LOXHD1: variants seen among roughly 807,000 people sequenced by gnomAD.
LOXHD1 encodes lipoxygenase homology domain-containing protein 1.
Under a neutral mutation model 248.2 loss-of-function variants are expected in LOXHD1, and 205 were observed. The observed-to-expected ratio is 0.83, with a 90% confidence interval of 0.74 to 0.93. The LOEUF is 0.93. Ranked by LOEUF, LOXHD1 falls within the 40% of genes least tolerant of loss-of-function variation. The probability of loss-of-function intolerance (pLI) is 0.00; values close to 1 mark genes in which losing one functional copy is unlikely to be tolerated. For missense variants in LOXHD1, 2,930 were observed against 2,971.6 expected (o/e 0.99, Z 0.33); for synonymous variants, 1,113 against 1,162.8 (o/e 0.96, Z 0.87).
chr18:46,640,073 G>A (rs147026907), intron 3 of LOXHD1, among the ~76,000 whole-genome samples: 22 of 152,258 alleles, frequency 1.4e-4, no homozygotes, highest in African/African-American at 4.6e-4. Context: ...AGGGCTTGCC[G>A]TGGGATCATC....
intron 8 of LOXHD1, among the ~76,000 whole-genome samples, chr18:46,594,942 G>T (rs938986804): frequency 2.6e-5 from 4 of 152,078 alleles, no homozygotes; most frequent in African/African-American, 7.2e-5. Flanking sequence ...TCTCTACCCA[G>T]TTCTGAACCC....
chr18:46,576,741 C>T (rs2037863198), intron 14 of LOXHD1, among the ~76,000 whole-genome samples: 1 of 152,174 alleles, frequency 6.6e-6, no homozygotes. Flanking sequence ...CCTATGGAGC[C>T]CTCCCAGTGG....
intron 16 of LOXHD1, among the ~76,000 whole-genome samples, chr18:46,568,205 G>A (rs2037681846): frequency 6.6e-6 from 1 of 152,136 alleles, no homozygotes; most frequent in African/African-American, 2.4e-5. Context: ...TGAGGTTCCA[G>A]GTAGAGGGCT....
intron 1 of LOXHD1, 48 bp from the exon 2 acceptor site, chr18:46,649,317 G>T (rs1258233330): frequency 6.7e-7 from 1 of 1,492,854 alleles, no homozygotes; most frequent in South Asian, 1.2e-5. Flanking sequence ...AAAAAAACCG[G>T]AATCCTGTGT....
At chr18:46,495,205 G>A (rs991012464) in intron 37 of LOXHD1, among the ~76,000 whole-genome samples, 1 of 152,056 alleles carries the variant, frequency 6.6e-6, no homozygotes. Context: ...TTTCCTCAGA[G>A]CTTAACTTAA....
rs368923439 is a variant in LOXHD1 at position 46,547,085 on chromosome 18, G to C, written c.3351-27C>G. On this transcript the variant is annotated intron_variant, in intron 21 of 40. Coordinates refer to ENST00000642948, the MANE Select transcript of LOXHD1 (RefSeq NM_001384474.1). ...TGTGGGGGTGGATAGGGAAAGATTGGAATGTCCTCTTAGAAAGGTCTCGTC... is the reference window on the plus strand; with the variant it reads ...TGTGGGGGTGGATAGGGAAAGATTGCAATGTCCTCTTAGAAAGGTCTCGTC... 1.3e-5 allele frequency: 20 copies of C among 1,551,570 alleles called. No individual in the cohort carries two copies. In the African/African-American group the frequency reaches 2.7e-4, roughly 21 times the overall value.
At chr18:46,559,228 G>A in intron 20 of LOXHD1, 4 of 1,500,474 alleles carry the variant, frequency 2.7e-6, no homozygotes, top group Non-Finnish European at 3.6e-6. Context: ...TGGGTCAGCT[G>A]GCCCATGGGC....
intron 20 of LOXHD1, chr18:46,559,106 C>G (rs1470994787): frequency 2.3e-6 from 3 of 1,318,824 alleles, no homozygotes; most frequent in African/African-American, 1.5e-5. Flanking sequence ...GCTCCCTCCC[C>G]CTAGTTTTCC....
chr18:46,483,245 A>G (rs2032733921), intron 40 of LOXHD1, among the ~76,000 whole-genome samples: 1 of 152,054 alleles, frequency 6.6e-6, no homozygotes, highest in South Asian at 2.1e-4. Context: ...TTTCTTTGTC[A>G]TTTTAGATTG....
chr18:46,645,539 T>C (rs1395932421), intron 2 of LOXHD1, among the ~76,000 whole-genome samples: 3 of 152,168 alleles, frequency 2.0e-5, no homozygotes, highest in Non-Finnish European at 4.4e-5. Context: ...GACTCAGAGC[T>C]GGAGGTGGCC....
At chr18:46,528,751 A>T (rs1346794144) in intron 29 of LOXHD1, among the ~76,000 whole-genome samples, 1 of 152,176 alleles carries the variant, frequency 6.6e-6, no homozygotes, top group Non-Finnish European at 1.5e-5. Context: ...GCAGATAAGG[A>T]GTTGATAGCA....
chr18:46,579,277 C>T (rs1316829029), intron 13 of LOXHD1, among the ~76,000 whole-genome samples: 2 of 152,208 alleles, frequency 1.3e-5, no homozygotes, highest in Non-Finnish European at 1.5e-5. Flanking sequence ...TCCCAGTGTC[C>T]TTCTGTTCTG....
intron 40 of LOXHD1, among the ~76,000 whole-genome samples, chr18:46,481,944 T>A (rs1598806971): frequency 6.6e-6 from 1 of 152,290 alleles, no homozygotes; most frequent in African/African-American, 2.4e-5. Context: ...TTGTTTTGTT[T>A]ATTTTGGGAG....
intron 1 of LOXHD1, among the ~76,000 whole-genome samples, chr18:46,655,504 G>T (rs2039168979): frequency 6.6e-6 from 1 of 152,164 alleles, no homozygotes; most frequent in South Asian, 2.1e-4. Context: ...ACACATGGTG[G>T]GGATGCTGCC....
Position 46,533,143 on chromosome 18 carries a change from G to C in LOXHD1, c.4375+19C>G, listed in dbSNP as rs771022488. ...CTGGAGCCTTCCCATGGTGATGAGG[G>C]TGGCCACACCACACTTACTGTCCAG... is the stretch of plus-strand genomic sequence containing the variant. On this transcript the variant is annotated intron_variant, in intron 28 of 40. Coordinates refer to ENST00000642948, the MANE Select transcript of LOXHD1 (RefSeq NM_001384474.1). The C allele has an allele frequency of 1.9e-6, 3 of 1,551,302 alleles. No individual in the cohort carries two copies. The East Asian group carries it at 7.3e-5, about 38-fold the overall frequency.
chr18:46,570,524 C>G (rs1296735570), intron 15 of LOXHD1, among the ~76,000 whole-genome samples: 1 of 152,178 alleles, frequency 6.6e-6, no homozygotes, highest in Admixed American at 6.5e-5. Context: ...CAGGTCTGCT[C>G]CAGATCAGCT....
At chr18:46,575,759 A>T (rs1450570181) in intron 14 of LOXHD1, among the ~76,000 whole-genome samples, 2 of 152,140 alleles carry the variant, frequency 1.3e-5, no homozygotes, top group Non-Finnish European at 2.9e-5. Flanking sequence ...TAAGCCACCC[A>T]GTCTGTGCAC....
chr18:46,648,533 G>A (rs549189562), intron 2 of LOXHD1, among the ~76,000 whole-genome samples: 69 of 152,292 alleles, frequency 4.5e-4, no homozygotes, highest in South Asian at 1.7e-3. Flanking sequence ...AATTCCAGTC[G>A]TCTGCTAACA....
chr18:46,647,916 TGGGACCATA>T (rs1326871694), intron 2 of LOXHD1, among the ~76,000 whole-genome samples: 1 of 152,166 alleles, frequency 6.6e-6, no homozygotes, highest in Non-Finnish European at 1.5e-5. Context: ...GCACACTCCC[TGGGACCATA>T]GGGTCATGTG....
Sources: allele counts gnomAD v4.1 joint callset (sites outside exome capture counted in the v4.1 genomes callset), GRCh38; gene constraint gnomAD v4.1.1; transcripts MANE v1.5; gene names NCBI Gene and HGNC (gene_info 2026-07-23, HGNC 2026-07-21).